Variants in PLA2G6 observed in about 807,000 individuals in gnomAD.
PLA2G6 encodes phospholipase A2 group VI.
Under a neutral mutation model 83.8 loss-of-function variants are expected in PLA2G6, and 62 were observed. The observed-to-expected ratio is 0.74, with a 90% CI of 0.60 to 0.91. The LOEUF is 0.91. Ranked by LOEUF, PLA2G6 falls within the 40% of genes least tolerant of loss-of-function variation. The pLI, the probability that PLA2G6 is intolerant of heterozygous loss-of-function variation, is 0.00. For missense variants in PLA2G6, 944 were observed against 1,102.0 expected (o/e 0.86, Z 2.03); for synonymous variants, 417 against 449.8 (o/e 0.93, Z 0.92).
At position 38,128,721 on chromosome 22, in the gene PLA2G6, G is replaced by A. The variant is rs1050595932; in HGVS notation, c.1187-291C>T. Reference sequence around the variant, plus strand: ...CTTTCCTTCTACTCCAGCCAAGAAAGCAGGAATCCCATGGCCACATTCAGT... The same window carrying A: ...CTTTCCTTCTACTCCAGCCAAGAAAACAGGAATCCCATGGCCACATTCAGT... On this transcript the variant is annotated intron_variant, in intron 8 of 16. Transcript: ENST00000332509. This position sits in a 1 kb window ranked among gnomAD's most constrained non-coding sequence, Gnocchi z 4.4. Among the ~76,000 whole-genome samples, 3 of 152,226 alleles carry A rather than the reference G, an allele frequency of 2.0e-5. No homozygotes were observed. The highest frequency in any genetic ancestry group is 2.0e-4 in the Admixed American group (3 of 15,292).
chr22:38,127,928 C>A (rs530521106), intron 9 of PLA2G6, among the ~76,000 whole-genome samples: 1 of 152,210 alleles, frequency 6.6e-6, no homozygotes, highest in Non-Finnish European at 1.5e-5. Context: ...GGCCCCCAGT[C>A]CCCCGACAGC....
intron 4 of PLA2G6, chr22:38,141,137 T>A (rs575377658): frequency 6.6e-6 from 1 of 151,160 alleles, no homozygotes; most frequent in African/African-American, 2.4e-5. Context: ...GAGCTTGCAG[T>A]GAGCCAAGAT....
chr22:38,121,331 G>A (rs2087519957), intron 11 of PLA2G6, among the ~76,000 whole-genome samples: 1 of 152,126 alleles, frequency 6.6e-6, no homozygotes, highest in South Asian at 2.1e-4. Flanking sequence ...GAGCCAAGAT[G>A]CACCACTGCA....
At chr22:38,172,687 C>T (rs2090481018) in intron 1 of PLA2G6, among the ~76,000 whole-genome samples, 1 of 152,214 alleles carries the variant, frequency 6.6e-6, no homozygotes, top group Non-Finnish European at 1.5e-5. Context: ...AGGACGGGCC[C>T]ACAGGGACGC....
In PLA2G6 at chr22:38,116,057, A is replaced by G. The variant is rs867943649; in HGVS notation, c.1879+18T>C. On this transcript the variant is annotated intron_variant, in intron 13 of 16. Transcript: ENST00000332509. ...CGGGCCAGTCGCTTCCCATGGATGC[A>G]TCAAACATGGTTTAAACCTGAGGGC... 1.2e-6 allele frequency: 2 copies of G among 1,613,062 alleles called. No homozygotes were observed. The highest frequency in any genetic ancestry group is 1.7e-6 in the Non-Finnish European group (2 of 1,179,786).
In PLA2G6 at chr22:38,123,363, G is replaced by T; in HGVS notation, c.1428-105C>A. The T allele has an allele frequency of 8.5e-7, 1 of 1,170,382 alleles. No individual in the cohort carries two copies. The highest frequency in any genetic ancestry group is 1.5e-5 in the African/African-American group (1 of 65,976). The allele number at this position is 1,170,382 out of a possible 1,614,324, so 72.5% of individuals were successfully genotyped here. On this transcript the variant is annotated intron_variant, in intron 10 of 16. Coordinates refer to ENST00000332509, the MANE Select transcript of PLA2G6 (RefSeq NM_003560.4). The surrounding 1 kb of genome is among the most constrained non-coding windows in gnomAD (Gnocchi z 4.1). ...CCCTGCAGCTGTGTCCTGGCAGACA[G>T]ACCCAGACGGACCCGAGGAACTTCT...
At chr22:38,112,462 G>A (rs749437245) in intron 16 of PLA2G6, 42 bp downstream of exon 16, 41 of 1,524,736 alleles carry the variant, frequency 2.7e-5, no homozygotes, top group South Asian at 2.0e-4. Flanking sequence ...GTCCGACCAC[G>A]CCAGGGCACG....
chr22:38,114,407 G>A (rs996343574), intron 14 of PLA2G6, among the ~76,000 whole-genome samples: 11 of 152,124 alleles, frequency 7.2e-5, no homozygotes, highest in South Asian at 4.1e-4. Flanking sequence ...GGATGGTCTC[G>A]ATCTCCTGAC....
intron 2 of PLA2G6, among the ~76,000 whole-genome samples, chr22:38,156,879 G>C (rs2089801952): frequency 6.6e-6 from 1 of 152,152 alleles, no homozygotes. Context: ...ATATGCTCTT[G>C]AATGGTCAAT....
chr22:38,172,086 C>T (rs537410314), intron 1 of PLA2G6, among the ~76,000 whole-genome samples: 3 of 152,294 alleles, frequency 2.0e-5, no homozygotes, highest in East Asian at 1.9e-4. Context: ...TCCTGCCAGA[C>T]GGTAAGCTTC....
intron 6 of PLA2G6, chr22:38,134,612 C>T (rs1311104459): frequency 4.2e-6 from 1 of 239,772 alleles, no homozygotes; most frequent in East Asian, 9.9e-5. Context: ...ATATATATAT[C>T]TCCTGTTAGT....
At chr22:38,113,925 C>T (rs1008753913) in intron 14 of PLA2G6, 46 of 554,744 alleles carry the variant, frequency 8.3e-5, no homozygotes, top group Non-Finnish European at 2.4e-5. Flanking sequence ...AGAAGGATCC[C>T]GCCCACCCCA....
chr22:38,137,761 G>A (rs1227602089), intron 5 of PLA2G6: 1 of 152,398 alleles, frequency 6.6e-6, no homozygotes, highest in Non-Finnish European at 1.5e-5. Context: ...TTGAACCTGG[G>A]AGGCAGAGGT....
At chr22:38,148,226 T>C (rs544606370) in intron 2 of PLA2G6, 3 of 392,404 alleles carry the variant, frequency 7.6e-6, no homozygotes, top group South Asian at 4.5e-5. Flanking sequence ...TGTGAGAATC[T>C]GAAGATTGCA....
intron 2 of PLA2G6, among the ~76,000 whole-genome samples, chr22:38,152,940 T>G (rs1479909016): frequency 2.0e-5 from 3 of 151,400 alleles, no homozygotes; most frequent in African/African-American, 7.3e-5. Flanking sequence ...GGAATGCACA[T>G]AGGTATAGGA....
At chr22:38,139,789 T>C in intron 5 of PLA2G6, 193 bp downstream of exon 5, 1 of 595,414 alleles carries the variant, frequency 1.7e-6, no homozygotes, top group Non-Finnish European at 3.0e-6. Flanking sequence ...CCGAGATTCC[T>C]ACCCATGATA....
intron 9 of PLA2G6, 118 bp from the exon 10 acceptor site, chr22:38,126,567 C>G (rs1279150466): frequency 5.5e-6 from 4 of 731,804 alleles, no homozygotes; most frequent in Non-Finnish European, 9.7e-6. Context: ...CTCATCCCCC[C>G]ACTCCCCCTG....
chr22:38,132,981 G>C lies in PLA2G6; in HGVS notation c.927C>G (p.Asn309Lys), dbSNP rs770332365. Reference sequence around the variant, plus strand: ...TCCCCGCGGAGCTGGTGCTGTTCACGTTGCAGCCCCGTTTCAGCAGCATGC... The same window carrying C: ...TCCCCGCGGAGCTGGTGCTGTTCACCTTGCAGCCCCGTTTCAGCAGCATGC... ...MARMLLKRGC[N>K]VNSTSSAGNT... The change falls in exon 7 of 17, where the codon AAC becomes AAG. Residue 309 changes from asparagine (N) to lysine (K), a missense_variant. Physicochemically the swap from Asn to Lys is moderately conservative, Grantham distance 94. Transcript: ENST00000332509. This position sits in a 1 kb window ranked among gnomAD's most constrained non-coding sequence, Gnocchi z 5.0. 3 of 1,567,692 alleles carry C rather than the reference G, an allele frequency of 1.9e-6. No homozygotes were observed. Among genetic ancestry groups the C allele is most frequent in the Non-Finnish European group, 1.7e-6 (2 of 1,156,992 alleles).
In PLA2G6 at chr22:38,132,222, T is replaced by G; in HGVS notation, c.1077+609A>C. On this transcript the variant is annotated intron_variant, in intron 7 of 16. Transcript: ENST00000332509. This position sits in a 1 kb window ranked among gnomAD's most constrained non-coding sequence, Gnocchi z 5.0. ...GATGTGTAACCAGACAGTAAGGGCTTTGAGGGCAGGAACTGTGTTCTATAA... is the reference window on the plus strand; with the variant it reads ...GATGTGTAACCAGACAGTAAGGGCTGTGAGGGCAGGAACTGTGTTCTATAA... 1 of 406,120 alleles carries G rather than the reference T, an allele frequency of 2.5e-6. No homozygotes were observed. 25.2% of individuals were successfully genotyped at this position (406,120 alleles called of 1,614,324 possible).
Sources: gnomAD v4.1 joint callset for allele counts (sites outside exome capture counted in the v4.1 genomes callset) on GRCh38, gnomAD v4.1.1 for gene constraint, Gnocchi (gnomAD v3.1) non-coding constraint, MANE v1.5 for transcripts, NCBI Gene and HGNC (gene_info 2026-07-23, HGNC 2026-07-21) for gene names.